GRAMD1C: variants seen among roughly 807,000 people sequenced by gnomAD.
The protein encoded by GRAMD1C is protein Aster-C.
Under a neutral mutation model 97.8 loss-of-function variants are expected in GRAMD1C, and 89 were observed. The observed-to-expected ratio is 0.91, with a 90% CI of 0.77 to 1.09. The LOEUF is 1.09. GRAMD1C is among the 50% of genes least tolerant of loss of function. GRAMD1C has a pLI of 0.00. For synonymous variants in GRAMD1C, 256 were observed against 267.0 expected (o/e 0.96, Z 0.40); for missense variants, 740 against 766.4 (o/e 0.97, Z 0.41).
chr3:113,912,225 G>A (rs1419348510), intron 9 of GRAMD1C, among the ~76,000 whole-genome samples: 3 of 152,084 alleles, frequency 2.0e-5, no homozygotes, highest in Non-Finnish European at 4.4e-5. Flanking sequence ...CGGAAGGGTT[G>A]AAGAAGAGAC....
chr3:113,870,741 A>G (rs886201830), intron 3 of GRAMD1C, among the ~76,000 whole-genome samples: 2 of 152,160 alleles, frequency 1.3e-5, no homozygotes, highest in African/African-American at 4.8e-5. Context: ...ATTTTAAAAA[A>G]GATAAGCAGC....
intron 1 of GRAMD1C, among the ~76,000 whole-genome samples, chr3:113,843,074 T>TC (rs1933432473): frequency 1.4e-5 from 2 of 146,330 alleles, no homozygotes; most frequent in Non-Finnish European, 1.5e-5. Flanking sequence ...TTTTTTTTTT[T>TC]TGTTCTTGTT....
intron 1 of GRAMD1C, among the ~76,000 whole-genome samples, chr3:113,842,445 A>T (rs1222508077): frequency 1.3e-5 from 2 of 152,076 alleles, no homozygotes; most frequent in Non-Finnish European, 2.9e-5. Context: ...CTTCAGTTTC[A>T]GTTTTTTTTG....
intron 3 of GRAMD1C, among the ~76,000 whole-genome samples, chr3:113,869,976 A>G (rs1934731621): frequency 6.6e-6 from 1 of 152,136 alleles, no homozygotes; most frequent in Admixed American, 6.6e-5. Context: ...GGAGGACATT[A>G]TGTTAAATGA....
chr3:113,933,992 G>C (rs565659378), intron 12 of GRAMD1C, among the ~76,000 whole-genome samples: 107 of 152,278 alleles, frequency 7.0e-4, no homozygotes, highest in Non-Finnish European at 1.4e-3. Flanking sequence ...CTCAGTGAGC[G>C]GTAATTGGCT....
At chr3:113,889,868 C>T (rs1309671807) in intron 6 of GRAMD1C, among the ~76,000 whole-genome samples, 1 of 152,110 alleles carries the variant, frequency 6.6e-6, no homozygotes, top group Non-Finnish European at 1.5e-5. Flanking sequence ...GAACTCCCGA[C>T]CTCAGGTGAT....
At chr3:113,922,944 T>G (rs1001583003) in intron 10 of GRAMD1C, among the ~76,000 whole-genome samples, 1 of 152,220 alleles carries the variant, frequency 6.6e-6, no homozygotes, top group Admixed American at 6.5e-5. Context: ...CTCTGATTTA[T>G]TTGAGCAATA....
At chr3:113,918,428 G>A (rs1936917370) in intron 10 of GRAMD1C, among the ~76,000 whole-genome samples, 1 of 152,152 alleles carries the variant, frequency 6.6e-6, no homozygotes, top group Admixed American at 6.5e-5. Flanking sequence ...TTGTATGCTG[G>A]TGATAAATGA....
intron 10 of GRAMD1C, among the ~76,000 whole-genome samples, chr3:113,925,285 C>T (rs991881965): frequency 3.3e-5 from 5 of 152,236 alleles, no homozygotes; most frequent in African/African-American, 4.8e-5. Context: ...GTCAGGAGAT[C>T]GAGACCATCC....
chr3:113,881,282 G>T (rs1348970578), intron 5 of GRAMD1C, among the ~76,000 whole-genome samples: 1 of 152,124 alleles, frequency 6.6e-6, no homozygotes, highest in African/African-American at 2.4e-5. Context: ...AGCCTCCCGA[G>T]AAGCTGGGAC....
chr3:113,945,456 C>G lies in GRAMD1C; in HGVS notation c.1967C>G (p.Thr656Ser). The part of the protein sequence containing the change: ...KTFDLLNKNK[T>S]GMAVES ...TTTGATCTACTAAATAAGAATAAGACTGGCATGGCTGTTGAAAGCTAGTGA... is the reference window on the plus strand; with the variant it reads ...TTTGATCTACTAAATAAGAATAAGAGTGGCATGGCTGTTGAAAGCTAGTGA... Residue 656 changes from threonine (T) to serine (S), a missense_variant, in exon 18 of 18, where the codon ACT (threonine) becomes AGT (serine). Physicochemically the swap from Thr to Ser is moderately conservative, Grantham distance 58. Coordinates refer to ENST00000358160, the MANE Select transcript of GRAMD1C (RefSeq NM_017577.5). 1.9e-6 allele frequency: 3 copies of G among 1,589,984 alleles called. No homozygotes were observed. Among genetic ancestry groups the G allele is most frequent in the Non-Finnish European group, 2.6e-6 (3 of 1,158,850 alleles).
At chr3:113,885,197 G>C (rs1262931794) in intron 6 of GRAMD1C, 15 of 701,230 alleles carry the variant, frequency 2.1e-5, no homozygotes, top group African/African-American at 1.6e-4. Flanking sequence ...CCTGCCACTT[G>C]GGGCCCCCGT....
At chr3:113,914,921 G>GGT (rs1408227564) in intron 9 of GRAMD1C, among the ~76,000 whole-genome samples, 1 of 152,100 alleles carries the variant, frequency 6.6e-6, no homozygotes, top group Non-Finnish European at 1.5e-5. Flanking sequence ...ATACTTGTAA[G>GGT]GTATGTAGCA....
At chr3:113,856,348 C>A (rs1252432012) in intron 2 of GRAMD1C, among the ~76,000 whole-genome samples, 1 of 152,104 alleles carries the variant, frequency 6.6e-6, no homozygotes, top group Non-Finnish European at 1.5e-5. Flanking sequence ...ATAGTAACAT[C>A]TGTAAAACTA....
intron 9 of GRAMD1C, among the ~76,000 whole-genome samples, chr3:113,911,960 C>T (rs527612018): frequency 2.0e-5 from 3 of 152,132 alleles, no homozygotes; most frequent in Admixed American, 6.5e-5. Context: ...ATCTCCTGAC[C>T]TCGTGATCAG....
chr3:113,858,529 AGACTACAGG>A (rs1934242875), intron 2 of GRAMD1C, among the ~76,000 whole-genome samples: 2 of 151,216 alleles, frequency 1.3e-5, no homozygotes, highest in South Asian at 4.2e-4. Flanking sequence ...TGAGTAGCTG[AGACTACAGG>A]CTCACTCCAC....
chr3:113,843,063 T>G (rs1442298795), intron 1 of GRAMD1C, among the ~76,000 whole-genome samples: 5 of 143,370 alleles, frequency 3.5e-5, no homozygotes, highest in African/African-American at 5.2e-5. Flanking sequence ...TTTTTTTTTT[T>G]TTTTTTTTTT....
chr3:113,904,992 G>A (rs908074860), intron 8 of GRAMD1C, among the ~76,000 whole-genome samples: 9 of 152,024 alleles, frequency 5.9e-5, no homozygotes, highest in Admixed American at 1.3e-4. Flanking sequence ...GTGCCACCAC[G>A]CCTGGGTAAT....
At chr3:113,873,683 T>C (rs1934922273) in intron 3 of GRAMD1C, among the ~76,000 whole-genome samples, 1 of 152,128 alleles carries the variant, frequency 6.6e-6, no homozygotes. Flanking sequence ...CATACCTGGC[T>C]AATTTTTGTA....
Sources: gnomAD v4.1 joint callset for allele counts (sites outside exome capture counted in the v4.1 genomes callset) on GRCh38, gnomAD v4.1.1 for gene constraint, MANE v1.5 for transcripts, NCBI Gene and HGNC (gene_info 2026-07-23, HGNC 2026-07-21) for gene names.